DNAH3: variants seen among roughly 807,000 people sequenced by gnomAD.
The protein encoded by DNAH3 is axonemal beta dynein heavy chain 3.
In DNAH3, 332 loss-of-function variants were observed where a neutral mutation model predicts 432.5. That is an observed-to-expected ratio of 0.77 (90% CI 0.70 to 0.84). The LOEUF is 0.84. DNAH3 is among the 40% of genes least tolerant of loss of function. DNAH3 has a pLI of 0.00. For synonymous variants in DNAH3, 1,956 were observed against 1,900.2 expected, an observed-to-expected ratio of 1.03 and a Z score of -0.76; for missense variants, 4,861 against 5,114.0, an observed-to-expected ratio of 0.95 and a Z score of 1.51.
intron 36 of DNAH3, among the ~76,000 whole-genome samples, 174 bp from the exon 37 acceptor site, chr16:21,031,460 G>A (rs1217068141): frequency 6.6e-6 from 1 of 152,150 alleles, no homozygotes; most frequent in Non-Finnish European, 1.5e-5. Flanking sequence ...GGGGCCAGGA[G>A]CTGTAGTAGC....
intron 58 of DNAH3, among the ~76,000 whole-genome samples, chr16:20,942,497 C>T (rs986775589): frequency 3.3e-5 from 5 of 152,220 alleles, no homozygotes; most frequent in African/African-American, 9.6e-5. Context: ...CATCGGGATA[C>T]ACCAACCAGG....
rs955888645 is a variant in DNAH3, at chr16:21,121,883, C to T, written c.1584+62G>A. The T allele has an allele frequency of 2.1e-6, 3 of 1,455,592 alleles. No individual in the cohort carries two copies. In the African/African-American group the frequency reaches 4.2e-5, roughly 21 times the overall value. 90.2% of individuals were successfully genotyped at this position (1,455,592 alleles called of 1,614,324 possible). A position where few individuals can be genotyped will look rare whatever the true frequency, so the allele number is the denominator to read the frequency against. On this transcript the variant is annotated intron_variant, in intron 10 of 61. Transcript: ENST00000261383. ...GCGACCTGACTTGTACAACCTCTTT[C>T]AATACATTTTATTCACTAAGTGAAA...
At chr16:20,997,432 T>A (rs1459614181) in exon 44 of DNAH3, 1 of 1,614,134 alleles carries the variant, frequency 6.2e-7, no homozygotes, top group South Asian at 1.1e-5. Flanking sequence ...CTGGGCCCCA[T>A]ACACCTCTTT....
chr16:20,935,753 G>T (rs931324041), intron 60 of DNAH3, among the ~76,000 whole-genome samples: 2 of 150,928 alleles, frequency 1.3e-5, no homozygotes, highest in African/African-American at 4.9e-5. Context: ...TGAGGCAGGA[G>T]AATCGCTTGA....
At chr16:21,077,935 T>A (rs2091031866) in intron 20 of DNAH3, among the ~76,000 whole-genome samples, 1 of 152,170 alleles carries the variant, frequency 6.6e-6, no homozygotes, top group African/African-American at 2.4e-5. Context: ...TGGTGTTTCT[T>A]CTTCCACCCT....
chr16:21,056,139 AC>A (rs2090124789), intron 27 of DNAH3, among the ~76,000 whole-genome samples: 1 of 152,012 alleles, frequency 6.6e-6, no homozygotes. Context: ...TCCTACCCAC[AC>A]CCATTGCTCA....
intron 31 of DNAH3, among the ~76,000 whole-genome samples, chr16:21,047,438 G>A (rs76583528): frequency 1.3e-4 from 19 of 151,784 alleles, no homozygotes; most frequent in African/African-American, 4.3e-4. Flanking sequence ...ATCTTCCATC[G>A]CTGATACCCT....
At chr16:21,144,314 C>T (rs994117963) in intron 3 of DNAH3, among the ~76,000 whole-genome samples, 27 of 152,314 alleles carry the variant, frequency 1.8e-4, no homozygotes, top group Non-Finnish European at 2.9e-4. Flanking sequence ...TATGGGTTCT[C>T]TCTTGCTGGC....
rs578226992 is a variant in DNAH3, at chr16:21,092,417, A to G, written c.2665+4938T>C. On this transcript the variant is annotated intron_variant, in intron 18 of 61. Transcript: ENST00000261383. ...AGATGAAAAAATTGGACATCTATAT[A>G]CACACACAAAAAAAGAATCTAGACA... is the stretch of plus-strand genomic sequence containing the variant. Among the ~76,000 whole-genome samples the G allele has an allele frequency of 2.0e-5, 3 of 152,214 alleles. No homozygotes were observed. In the East Asian group the frequency reaches 5.8e-4, roughly 29 times the overall value.
In DNAH3 at chr16:21,054,510, G is replaced by A; in HGVS notation, c.3949C>T (p.Gln1317Ter). The change falls in exon 28 of 62, where the codon CAG (glutamine) becomes TAG (stop). Residue 1317 changes from glutamine to a stop codon, truncating the protein, a stop_gained. Transcript: ENST00000261383. LOFTEE classifies it high-confidence loss of function. ...ACCAGCTGGACAATCTGCGCAATCT[G>A]ATCATTGCTCTTTTTCAGAAAATCC... The A allele has an allele frequency of 6.2e-7, 1 of 1,614,058 alleles. No individual in the cohort carries two copies. Among genetic ancestry groups the A allele is most frequent in the Non-Finnish European group, 8.5e-7 (1 of 1,179,942 alleles).
At chr16:21,131,766 A>ATC (rs1244855419) in intron 7 of DNAH3, among the ~76,000 whole-genome samples, 11 of 151,490 alleles carry the variant, frequency 7.3e-5, no homozygotes, top group Non-Finnish European at 1.5e-4. Context: ...AGGCAGGAGA[A>ATC]ATGTTTGAAC....
chr16:21,047,966 G>T (rs1347124701), intron 31 of DNAH3, among the ~76,000 whole-genome samples: 2 of 152,052 alleles, frequency 1.3e-5, no homozygotes, highest in Non-Finnish European at 2.9e-5. Context: ...CTGCTGGGGG[G>T]TGCCTCCCAG....
chr16:21,073,690 C>T (rs2090874140), intron 21 of DNAH3, among the ~76,000 whole-genome samples: 3 of 152,324 alleles, frequency 2.0e-5, no homozygotes, highest in East Asian at 1.9e-4. Flanking sequence ...AAACTAAACT[C>T]CTCTTGCCCG....
chr16:21,025,340 TATA>T (rs942922484), intron 38 of DNAH3, among the ~76,000 whole-genome samples: 33 of 148,420 alleles, frequency 2.2e-4, no homozygotes, highest in African/African-American at 4.7e-4. Context: ...ATTATTACTA[TATA>T]ATAATAATAT....
chr16:21,045,764 GTTAGGGTGTCAATT>G (rs1440713877), intron 31 of DNAH3, among the ~76,000 whole-genome samples: 3 of 151,576 alleles, frequency 2.0e-5, no homozygotes, highest in Non-Finnish European at 4.4e-5. Context: ...TAATTGTGAA[GTTAGGGTGTCAATT>G]TTGGATCTTT....
chr16:21,149,538 G>A (rs763527511), intron 1 of DNAH3, among the ~76,000 whole-genome samples: 10 of 152,158 alleles, frequency 6.6e-5, no homozygotes, highest in Non-Finnish European at 7.3e-5. Flanking sequence ...CCAAATGCTC[G>A]TCTGAGGACG....
intron 1 of DNAH3, among the ~76,000 whole-genome samples, chr16:21,157,764 CCTCT>C (rs58304802): frequency 0.16 from 24,144 of 152,074 alleles, 2,343 homozygotes; most frequent in South Asian, 0.25. Flanking sequence ...TGGGCTTATC[CCTCT>C]CTCTAATTTA....
intron 24 of DNAH3, among the ~76,000 whole-genome samples, chr16:21,065,230 G>A (rs560685046): frequency 1.3e-3 from 194 of 151,796 alleles, no homozygotes; most frequent in Non-Finnish European, 2.3e-3. Flanking sequence ...GCACCATCTC[G>A]GCTCACCACA....
chr16:21,005,063 C>A (rs1461754581), intron 41 of DNAH3, among the ~76,000 whole-genome samples: 1 of 152,156 alleles, frequency 6.6e-6, no homozygotes, highest in Non-Finnish European at 1.5e-5. Flanking sequence ...ATGCTCAGGG[C>A]TTTTAACACA....
Sources: allele counts gnomAD v4.1 joint callset (sites outside exome capture counted in the v4.1 genomes callset), GRCh38; gene constraint gnomAD v4.1.1; transcripts MANE v1.5; gene names NCBI Gene and HGNC (gene_info 2026-07-23, HGNC 2026-07-21).